Variants in RARB observed in about 807,000 individuals in gnomAD.
RARB encodes HBV-activated protein.
A neutral mutation model predicts 51.9 loss-of-function variants in RARB; 17 were observed. That is an observed-to-expected ratio of 0.33 (90% CI 0.22 to 0.49). The LOEUF (loss-of-function observed/expected upper bound fraction) is 0.49, where lower values mean the gene tolerates loss of function less well. Ranked by LOEUF, RARB falls within the 20% of genes least tolerant of loss-of-function variation. The pLI, the probability that RARB is intolerant of heterozygous loss-of-function variation, is 0.99. For synonymous variants in RARB, 215 were observed against 195.4 expected (o/e 1.10, Z -0.84); for missense variants, 369 against 550.8 (o/e 0.67, Z 3.30).
At chr3:25,249,396 T>C (rs944252484) in intron 5 of RARB, among the ~76,000 whole-genome samples, 4 of 152,154 alleles carry the variant, frequency 2.6e-5, no homozygotes, top group Non-Finnish European at 5.9e-5. Flanking sequence ...AACTTTTTAA[T>C]ATCATTAATT....
chr3:24,899,043 T>C (rs372809051), intron 2 of RARB, among the ~76,000 whole-genome samples: 30 of 152,292 alleles, frequency 2.0e-4, no homozygotes, highest in African/African-American at 7.0e-4. Context: ...CCAGCAGCAG[T>C]AGCATGATCT....
chr3:25,279,735 T>C (rs1342412613), intron 5 of RARB, among the ~76,000 whole-genome samples: 1 of 152,116 alleles, frequency 6.6e-6, no homozygotes, highest in Non-Finnish European at 1.5e-5. Context: ...GTGAGGATGG[T>C]TGAGGACTAG....
intron 3 of RARB, among the ~76,000 whole-genome samples, chr3:25,062,286 T>C (rs567256492): frequency 6.6e-6 from 1 of 152,022 alleles, no homozygotes; most frequent in African/African-American, 2.4e-5. Flanking sequence ...CTATATTTTG[T>C]GTTTTGCCTT....
intron 3 of RARB, 146 bp from the exon 4 acceptor site, chr3:25,569,612 G>T: frequency 1.1e-6 from 1 of 920,680 alleles, no homozygotes; most frequent in Non-Finnish European, 1.6e-6. Flanking sequence ...CTTTTCCAGG[G>T]AGGTGTGTTA....
At chr3:25,179,346 A>G (rs190977194) in intron 5 of RARB, among the ~76,000 whole-genome samples, 16 of 152,108 alleles carry the variant, frequency 1.1e-4, no homozygotes, top group African/African-American at 3.9e-4. Context: ...CCAACTCATT[A>G]ATTTCTACCA....
At chr3:25,186,504 C>T (rs1416559708) in intron 5 of RARB, among the ~76,000 whole-genome samples, 1 of 151,984 alleles carries the variant, frequency 6.6e-6, no homozygotes, top group Non-Finnish European at 1.5e-5. Context: ...TATGGTAGCA[C>T]TGGTCATAGA....
At chr3:24,913,697 A>G (rs1405412593) in intron 2 of RARB, among the ~76,000 whole-genome samples, 8 of 152,234 alleles carry the variant, frequency 5.3e-5, no homozygotes, top group Non-Finnish European at 7.3e-5. Flanking sequence ...AGTCTGTTCA[A>G]TAGCCAACAA....
intron 5 of RARB, among the ~76,000 whole-genome samples, chr3:25,225,028 T>G (rs150249284): frequency 0.019 from 2,950 of 152,262 alleles, 90 homozygotes; most frequent in African/African-American, 0.067. Context: ...AAATCTAGAT[T>G]TATAAAACCA....
At chr3:25,455,992 T>A (rs1467137062) in intron 1 of RARB, among the ~76,000 whole-genome samples, 2 of 152,216 alleles carry the variant, frequency 1.3e-5, no homozygotes, top group Non-Finnish European at 2.9e-5. Flanking sequence ...GACACAAGCC[T>A]CTTTTCCCCC....
intron 2 of RARB, among the ~76,000 whole-genome samples, chr3:24,896,248 T>A (rs1703476871): frequency 6.6e-6 from 1 of 151,770 alleles, no homozygotes; most frequent in Non-Finnish European, 1.5e-5. Context: ...GTACAGAGAT[T>A]TTTGGTGGTG....
At chr3:25,277,790 A>C (rs1227349995) in intron 5 of RARB, among the ~76,000 whole-genome samples, 1 of 152,224 alleles carries the variant, frequency 6.6e-6, no homozygotes, top group Non-Finnish European at 1.5e-5. Context: ...ACATAAGTGC[A>C]CTTTTTACAA....
At chr3:25,297,195 T>C (rs373499775) in intron 5 of RARB, among the ~76,000 whole-genome samples, 1 of 152,144 alleles carries the variant, frequency 6.6e-6, no homozygotes, top group African/African-American at 2.4e-5. Context: ...ATTAATTGCT[T>C]TCATCATATT....
chr3:25,590,599 C>G (rs1046408482), intron 5 of RARB, among the ~76,000 whole-genome samples: 4 of 152,136 alleles, frequency 2.6e-5, no homozygotes, highest in African/African-American at 7.2e-5. Context: ...CAGCTCACTG[C>G]AACCTCCCCC....
intron 1 of RARB, among the ~76,000 whole-genome samples, chr3:24,843,534 A>G (rs547041265): frequency 6.6e-6 from 1 of 152,310 alleles, no homozygotes; most frequent in Non-Finnish European, 1.5e-5. Flanking sequence ...TGAGTTCCAC[A>G]CACTCATTTC....
intron 1 of RARB, among the ~76,000 whole-genome samples, chr3:24,830,535 C>T (rs760047525): frequency 6.6e-6 from 1 of 150,526 alleles, no homozygotes; most frequent in African/African-American, 2.5e-5. Context: ...CAGCTCTCAG[C>T]GCGGGGTGAG....
At chr3:25,458,773 T>C (rs1575423441) in intron 1 of RARB, among the ~76,000 whole-genome samples, 5 of 152,368 alleles carry the variant, frequency 3.3e-5, no homozygotes. Context: ...TTCTGAATTA[T>C]GAAAATACTA....
In RARB at chr3:24,980,111, G is replaced by T. The variant is rs552193375; in HGVS notation, c.-379-80014G>T. Among the ~76,000 whole-genome samples, 6 of 152,238 alleles carry T rather than the reference G, an allele frequency of 3.9e-5. No individual in the cohort carries two copies. The South Asian group carries it at 8.3e-4, about 21-fold the overall frequency. ...GAATATTGGCCCCCACTCTCGTCTT[G>T]TTTGTAGGGTTTCTGCAAAGAGATC... On this transcript the variant is annotated intron_variant, in intron 2 of 11. Transcript: ENST00000383772.
chr3:24,861,429 T>C (rs1266246804), intron 2 of RARB, among the ~76,000 whole-genome samples: 1 of 152,132 alleles, frequency 6.6e-6, no homozygotes, highest in East Asian at 1.9e-4. Context: ...CCAAATGTCT[T>C]AGTGTAAGAA....
At chr3:25,418,838 G>A (rs1707778450) in intron 5 of RARB, among the ~76,000 whole-genome samples, 1 of 151,800 alleles carries the variant, frequency 6.6e-6, no homozygotes, top group Non-Finnish European at 1.5e-5. Flanking sequence ...GCAAGTTAGG[G>A]TGATAAGATA....
Sources: allele counts gnomAD v4.1 joint callset (sites outside exome capture counted in the v4.1 genomes callset), GRCh38; gene constraint gnomAD v4.1.1; transcripts MANE v1.5; gene names NCBI Gene and HGNC (gene_info 2026-07-23, HGNC 2026-07-21).